ANO2: variants seen among roughly 807,000 people sequenced by gnomAD.
ANO2 encodes anoctamin 2.
ANO2 carries 101 observed loss-of-function variants against 124.2 expected under a neutral mutation model. That is an observed-to-expected ratio of 0.81 (90% CI 0.69 to 0.96). The LOEUF (loss-of-function observed/expected upper bound fraction) is 0.96. ANO2 is among the 40% of genes least tolerant of loss of function. The pLI, the probability that ANO2 is intolerant of heterozygous loss-of-function variation, is 0.00. For synonymous variants in ANO2, 486 were observed against 482.5 expected, an observed-to-expected ratio of 1.01 and a Z score of -0.09; for missense variants, 1,293 against 1,274.5, an observed-to-expected ratio of 1.01 and a Z score of -0.22.
intron 17 of ANO2, among the ~76,000 whole-genome samples, chr12:5,614,291 T>C (rs996059532): frequency 1.3e-5 from 2 of 152,222 alleles, no homozygotes; most frequent in Non-Finnish European, 2.9e-5. Context: ...TTGTTATTCC[T>C]GGCAGACCCC....
At position 5,644,064 on chromosome 12, in the gene ANO2, C is replaced by T. The variant is rs547988154; in HGVS notation, c.1620+3663G>A. On this transcript the variant is annotated intron_variant, in intron 15 of 24. Transcript: ENST00000682330. Reference sequence around the variant, plus strand: ...TTACCAGCATTTTATTATGGTTGTGCTTTTTGTATCTTGCTCAAGAAATTC... The same window carrying T: ...TTACCAGCATTTTATTATGGTTGTGTTTTTTGTATCTTGCTCAAGAAATTC... Among the ~76,000 whole-genome samples the T allele has an allele frequency of 2.6e-5, 4 of 152,190 alleles. No homozygotes were observed. The East Asian group carries it at 7.7e-4, about 29-fold the overall frequency.
At chr12:5,792,969 C>T (rs1952740163) in intron 10 of ANO2, among the ~76,000 whole-genome samples, 1 of 152,116 alleles carries the variant, frequency 6.6e-6, no homozygotes, top group East Asian at 1.9e-4. Context: ...ACCAGTGAGT[C>T]CCAAGAAGGA....
intron 14 of ANO2, among the ~76,000 whole-genome samples, chr12:5,689,403 T>C (rs1013686017): frequency 6.6e-6 from 1 of 152,124 alleles, no homozygotes; most frequent in Non-Finnish European, 1.5e-5. Context: ...GACAGGCTTT[T>C]TATGGGAGGC....
intron 3 of ANO2, among the ~76,000 whole-genome samples, chr12:5,883,493 C>T (rs1028138690): frequency 7.2e-6 from 1 of 139,506 alleles, no homozygotes; most frequent in Non-Finnish European, 1.5e-5. Flanking sequence ...GCGTGTTTGA[C>T]ATTAGGGTGG....
chr12:5,866,158 G>T (rs944536422), intron 3 of ANO2, among the ~76,000 whole-genome samples: 1 of 152,222 alleles, frequency 6.6e-6, no homozygotes, highest in Non-Finnish European at 1.5e-5. Flanking sequence ...AAATCAATAA[G>T]ATGTGAGGAA....
intron 10 of ANO2, among the ~76,000 whole-genome samples, chr12:5,783,796 T>C (rs930496911): frequency 2.0e-5 from 3 of 152,156 alleles, no homozygotes; most frequent in Non-Finnish European, 4.4e-5. Flanking sequence ...CTCAAGAAGC[T>C]ATCATTCTTG....
chr12:5,748,833 C>T (rs1951349379), intron 11 of ANO2, among the ~76,000 whole-genome samples: 1 of 147,558 alleles, frequency 6.8e-6, no homozygotes, highest in African/African-American at 2.5e-5. Context: ...CGGCCTCCCT[C>T]CCTCCCCTCT....
intron 14 of ANO2, among the ~76,000 whole-genome samples, chr12:5,693,758 G>A (rs11063825): frequency 0.083 from 12,674 of 152,130 alleles, 656 homozygotes; most frequent in African/African-American, 0.13. Context: ...GCACGAGTTT[G>A]CTCTACATCA....
intron 11 of ANO2, among the ~76,000 whole-genome samples, chr12:5,748,050 G>A (rs889080797): frequency 1.8e-4 from 27 of 152,026 alleles, no homozygotes; most frequent in African/African-American, 6.0e-4. Context: ...CTATCTGCAC[G>A]TGCATGAGTG....
At chr12:5,614,092 C>T (rs1944675385) in intron 17 of ANO2, among the ~76,000 whole-genome samples, 1 of 152,170 alleles carries the variant, frequency 6.6e-6, no homozygotes, top group Admixed American at 6.5e-5. Context: ...GGGAAGCTTT[C>T]CTGATGTTGT....
intron 10 of ANO2, among the ~76,000 whole-genome samples, chr12:5,788,619 T>C (rs1308195612): frequency 6.6e-6 from 1 of 152,180 alleles, no homozygotes; most frequent in Non-Finnish European, 1.5e-5. Context: ...AGTGCAGTGG[T>C]GCGATCTCGG....
chr12:5,761,794 A>G (rs1464959214), intron 10 of ANO2, among the ~76,000 whole-genome samples: 1 of 152,182 alleles, frequency 6.6e-6, no homozygotes, highest in Non-Finnish European at 1.5e-5. Flanking sequence ...TTTGGTAAAT[A>G]AGATTACTTT....
At chr12:5,610,723 C>CATATATATATATATATATATAT (rs377499491) in intron 19 of ANO2, among the ~76,000 whole-genome samples, 2 of 116,898 alleles carry the variant, frequency 1.7e-5, no homozygotes, top group Non-Finnish European at 3.5e-5. Flanking sequence ...CACATATATA[C>CATATATATATATATATATATAT]ATATATATAT....
intron 4 of ANO2, among the ~76,000 whole-genome samples, chr12:5,847,115 T>C (rs532224324): frequency 6.6e-6 from 1 of 152,310 alleles, no homozygotes; most frequent in African/African-American, 2.4e-5. Context: ...GTAGAGCAGA[T>C]TACCCTCCCT....
intron 1 of ANO2, among the ~76,000 whole-genome samples, chr12:5,944,867 TG>T (rs560385972): frequency 2.6e-5 from 4 of 152,190 alleles, no homozygotes; most frequent in African/African-American, 9.6e-5. Flanking sequence ...CCCCAGGACT[TG>T]TAACAAGGAG....
At chr12:5,850,283 G>A (rs542650328) in intron 4 of ANO2, among the ~76,000 whole-genome samples, 7 of 152,132 alleles carry the variant, frequency 4.6e-5, no homozygotes, top group African/African-American at 7.2e-5. Flanking sequence ...GGGCGTGGTG[G>A]CGCGTACTTA....
chr12:5,614,246 C>G (rs1944683269), intron 17 of ANO2, among the ~76,000 whole-genome samples: 1 of 152,196 alleles, frequency 6.6e-6, no homozygotes, highest in Admixed American at 6.5e-5. Flanking sequence ...GCATGAACAT[C>G]TAAATCCTTG....
intron 9 of ANO2, among the ~76,000 whole-genome samples, chr12:5,801,242 G>A (rs1953029138): frequency 1.3e-5 from 2 of 152,176 alleles, no homozygotes; most frequent in Admixed American, 1.3e-4. Flanking sequence ...AGCAACTTTA[G>A]CAGGACTAAC....
intron 3 of ANO2, among the ~76,000 whole-genome samples, chr12:5,917,930 G>T (rs1179354708): frequency 6.6e-6 from 1 of 152,096 alleles, no homozygotes; most frequent in Non-Finnish European, 1.5e-5. Flanking sequence ...GCTAAGCAAG[G>T]TCATGAGCTA....
Sources: gnomAD v4.1 joint callset for allele counts (sites outside exome capture counted in the v4.1 genomes callset) on GRCh38, gnomAD v4.1.1 for gene constraint, MANE v1.5 for transcripts, NCBI Gene and HGNC (gene_info 2026-07-23, HGNC 2026-07-21) for gene names.